DPP3: variants seen among roughly 807,000 people sequenced by gnomAD.
DPP3 encodes dipeptidyl peptidase 3.
In DPP3, 64 loss-of-function variants were observed where a neutral mutation model predicts 89.8. The observed-to-expected ratio is 0.71, with a 90% CI of 0.58 to 0.88. The LOEUF (loss-of-function observed/expected upper bound fraction) is 0.88, where lower values mean the gene tolerates loss of function less well. Among genes scored for constraint, DPP3 ranks in the 40% least tolerant of loss-of-function variants. DPP3 has a pLI of 0.00. For synonymous variants in DPP3, 377 were observed against 404.3 expected, an observed-to-expected ratio of 0.93 and a Z score of 0.81; for missense variants, 835 against 972.5, an observed-to-expected ratio of 0.86 and a Z score of 1.88.
intron 13 of DPP3, 36 bp from the exon 14 acceptor site, chr11:66,495,329 G>A (rs1162315151): frequency 1.2e-6 from 2 of 1,613,798 alleles, no homozygotes; most frequent in Non-Finnish European, 1.7e-6. Flanking sequence ...TGGGGCAGTG[G>A]CCACCTTAAG....
chr11:66,495,621 C>T lies in DPP3; in HGVS notation c.1578-9C>T, dbSNP rs770299692. Reference sequence around the variant, plus strand: ...TGACCATCCTGCCACCTGCCTGCCCCTCTCACAGGATCTTTGGCTTTGAGG... The same window carrying T: ...TGACCATCCTGCCACCTGCCTGCCCTTCTCACAGGATCTTTGGCTTTGAGG... On this transcript the variant is annotated splice_polypyrimidine_tract_variant and intron_variant, in intron 14 of 17. Transcript: ENST00000531863. The T allele has an allele frequency of 1.2e-6, 2 of 1,614,140 alleles. No homozygotes were observed. The highest frequency in any genetic ancestry group is 1.7e-6 in the Non-Finnish European group (2 of 1,180,028).
chr11:66,499,145 G>A (rs988844239), intron 16 of DPP3, among the ~76,000 whole-genome samples: 5 of 151,912 alleles, frequency 3.3e-5, no homozygotes, highest in Admixed American at 2.6e-4. Flanking sequence ...GGTGGATCAC[G>A]AGGTCAGCAG....
At position 66,497,411 on chromosome 11, in the gene DPP3, C is replaced by T; in HGVS notation, c.1812C>T (p.Arg604=). The T allele has an allele frequency of 6.2e-7, 1 of 1,614,032 alleles. No homozygotes were observed. The highest frequency in any genetic ancestry group is 8.5e-7 in the Non-Finnish European group (1 of 1,180,014). ...GSDGRPDARV[R]LDRSKIRSVG... is the part of the protein sequence containing the mutation. ...ATGGGCGCCCAGATGCCCGGGTCCG[C>T]CTCGACCGCAGCAAGATCCGGTCTG... Residue 604 remains arginine (R), a synonymous_variant, in exon 16 of 18, where the codon CGC becomes CGT. Coordinates refer to ENST00000531863, the MANE Select transcript of DPP3 (RefSeq NM_130443.4).
In DPP3 at chr11:66,509,605, T is replaced by C. The variant is rs1855896327; in HGVS notation, c.*354T>C. The C allele has an allele frequency of 1.6e-6, 1 of 626,918 alleles. No homozygotes were observed. The highest frequency in any genetic ancestry group is 2.4e-5 in the Admixed American group (1 of 41,804). 38.8% of individuals were successfully genotyped at this position (626,918 alleles called of 1,614,324 possible). A position where few individuals can be genotyped will look rare whatever the true frequency, so the allele number is the denominator to read the frequency against. On this transcript the variant is annotated 3_prime_UTR_variant, in exon 18 of 18. Coordinates refer to ENST00000531863, the MANE Select transcript of DPP3 (RefSeq NM_130443.4). ...AAAACGTTCTCACCAAATCCAATGC[T>C]CCTCACATATTAATTTTATAACCAG... is the stretch of plus-strand genomic sequence containing the variant.
Position 66,492,783 on chromosome 11 carries a change from G to A in DPP3, c.1056G>A (p.Gln352=), listed in dbSNP as rs1855427106. 8.7e-6 allele frequency: 14 copies of A among 1,613,854 alleles called. No homozygotes were observed. The highest frequency in any genetic ancestry group is 1.2e-5 in the Non-Finnish European group (14 of 1,179,956). The change falls in exon 10 of 18, where the codon CAG becomes CAA. Residue 352 remains glutamine, a synonymous_variant. Coordinates refer to ENST00000531863, the MANE Select transcript of DPP3 (RefSeq NM_130443.4). ...AGCGGCTGGTGGCGAGCGCAGAGCA[G>A]CTGCTGAAGGAGCTGCCCTGGCCCC... The part of the protein sequence containing the change: ...KFERLVASAE[Q]LLKELPWPPT...
chr11:66,504,029 T>A (rs1456673577), intron 16 of DPP3, among the ~76,000 whole-genome samples: 1 of 152,180 alleles, frequency 6.6e-6, no homozygotes, highest in Non-Finnish European at 1.5e-5. Flanking sequence ...ACCTTATTTG[T>A]AGGAGAGGAA....
At chr11:66,489,844 G>A (rs1855328221) in intron 6 of DPP3, among the ~76,000 whole-genome samples, 1 of 152,160 alleles carries the variant, frequency 6.6e-6, no homozygotes, top group African/African-American at 2.4e-5. Flanking sequence ...TACCTCATGT[G>A]GCACCCTCCT....
intron 14 of DPP3, 58 bp downstream of exon 14, chr11:66,495,547 C>T (rs1011636670): frequency 5.0e-6 from 8 of 1,611,272 alleles, no homozygotes; most frequent in South Asian, 2.2e-5. Flanking sequence ...GCCCTGGGGG[C>T]GTGGAGGGTG....
intron 1 of DPP3, among the ~76,000 whole-genome samples, chr11:66,481,777 A>C (rs2134713734): frequency 6.6e-6 from 1 of 151,966 alleles, no homozygotes; most frequent in East Asian, 2.0e-4. Context: ...CCTTCCCAGT[A>C]GCTGAGATTA....
At chr11:66,490,496 C>G (rs187673125) in intron 6 of DPP3, among the ~76,000 whole-genome samples, 3 of 152,186 alleles carry the variant, frequency 2.0e-5, no homozygotes, top group African/African-American at 7.2e-5. Flanking sequence ...CCTCTGCTAT[C>G]GTCACAGCTC....
At chr11:66,485,305 G>A (rs1447817360) in intron 3 of DPP3, 43 bp downstream of exon 3, 2 of 1,580,898 alleles carry the variant, frequency 1.3e-6, no homozygotes, top group Admixed American at 3.4e-5. Flanking sequence ...TGGGGGGCTG[G>A]TGGGGTAGAG....
chr11:66,503,431 G>A (rs1385836963), intron 16 of DPP3, among the ~76,000 whole-genome samples: 2 of 152,210 alleles, frequency 1.3e-5, no homozygotes, highest in Non-Finnish European at 2.9e-5. Flanking sequence ...CTATGAGAGA[G>A]TAGAACTATT....
At chr11:66,499,394 A>T (rs926322425) in intron 16 of DPP3, among the ~76,000 whole-genome samples, 9 of 151,906 alleles carry the variant, frequency 5.9e-5, no homozygotes, top group African/African-American at 1.9e-4. Context: ...CTAGGATAGG[A>T]TATTTATAAC....
At position 66,493,541 on chromosome 11, in the gene DPP3, G is replaced by A. The variant is rs200933547; in HGVS notation, c.1297G>A (p.Asp433Asn). The A allele has an allele frequency of 3.1e-6, 5 of 1,612,968 alleles. No individual in the cohort carries two copies. The highest frequency in any genetic ancestry group is 4.2e-6 in the Non-Finnish European group (5 of 1,179,882). The change falls in exon 12 of 18, where the codon GAC becomes AAC. Residue 433 changes from aspartate (D) to asparagine (N), a missense_variant and splice_region_variant. Asp to Asn is a conservative substitution (Grantham distance 23). Coordinates refer to ENST00000531863, the MANE Select transcript of DPP3 (RefSeq NM_130443.4). ...CGCGGGTCTCTGCTTGTCTTGGCAG[G>A]ACCTGTACATCCTCTGGAAGGGGCC... ...KLTFLEEDDKDLYILWKGPSF... is the reference protein window; with the variant it reads ...KLTFLEEDDKNLYILWKGPSF...
At chr11:66,490,195 G>C (rs1012509523) in intron 6 of DPP3, among the ~76,000 whole-genome samples, 4 of 147,058 alleles carry the variant, frequency 2.7e-5, no homozygotes, top group African/African-American at 1.0e-4. Flanking sequence ...AGGAAATACT[G>C]TGGCTATTTT....
Position 66,496,763 on chromosome 11 carries a change from G to A in DPP3, c.1699-535G>A, listed in dbSNP as rs113195666. Among the ~76,000 whole-genome samples, 1,350 of 152,244 alleles carry A rather than the reference G, an allele frequency of 8.9e-3. 22 individuals are homozygous for A. The highest frequency in any genetic ancestry group is 0.03 in the African/African-American group (1,255 of 41,528). On this transcript the variant is annotated intron_variant, in intron 15 of 17. Transcript: ENST00000531863. ...TCAAATAGGTGTGGTTTGAGGAGGC[G>A]ATGTGACGTCATTCAGGGTCCAGAA...
At chr11:66,498,140 C>G (rs1237582927) in intron 16 of DPP3, among the ~76,000 whole-genome samples, 1 of 151,688 alleles carries the variant, frequency 6.6e-6, no homozygotes, top group Non-Finnish European at 1.5e-5. Flanking sequence ...GTCGCCCAGG[C>G]TGGAGTGCAG....
At position 66,487,274 on chromosome 11, in the gene DPP3, A is replaced by G; in HGVS notation, c.505A>G (p.Thr169Ala). ...RHLGLGKEGITTYFSGNCTME... is the reference protein window; with the variant it reads ...RHLGLGKEGIATYFSGNCTME... Reference sequence around the variant, plus strand: ...CCCCTGTCTTCCCCAACAGGGAATCACCACCTATTTCTCTGGGAATTGTAC... The same window carrying G: ...CCCCTGTCTTCCCCAACAGGGAATCGCCACCTATTTCTCTGGGAATTGTAC... Residue 169 changes from threonine (T) to alanine (A), a missense_variant, in exon 5 of 18, where the codon ACC becomes GCC. Transcript: ENST00000531863. The G allele has an allele frequency of 2.5e-6, 4 of 1,613,944 alleles. No individual in the cohort carries two copies. Among genetic ancestry groups the G allele is most frequent in the Non-Finnish European group, 3.4e-6 (4 of 1,179,904 alleles).
At chr11:66,497,023 G>A (rs1855556687) in intron 15 of DPP3, among the ~76,000 whole-genome samples, 2 of 152,304 alleles carry the variant, frequency 1.3e-5, no homozygotes, top group East Asian at 3.9e-4. Context: ...GGGTGACATG[G>A]GGAGCATGGG....
Sources: gnomAD v4.1 joint callset for allele counts (sites outside exome capture counted in the v4.1 genomes callset) on GRCh38, gnomAD v4.1.1 for gene constraint, MANE v1.5 for transcripts, NCBI Gene and HGNC (gene_info 2026-07-23, HGNC 2026-07-21) for gene names.